Variants in ADARB1 observed in about 807,000 individuals in gnomAD.
ADARB1 encodes adenosine deaminase RNA specific B1.
In ADARB1, 10 loss-of-function variants were observed where a neutral mutation model predicts 52.4. The ratio of observed to expected loss-of-function variants is 0.19; its 90% CI spans 0.12 to 0.32. The LOEUF (loss-of-function observed/expected upper bound fraction) is 0.32. ADARB1 is among the 10% of genes least tolerant of loss of function. The probability of loss-of-function intolerance (pLI) is 1.00; values close to 1 mark genes in which losing one functional copy is unlikely to be tolerated. For missense variants in ADARB1, 643 were observed against 922.3 expected, an observed-to-expected ratio of 0.70 and a Z score of 3.92; for synonymous variants, 349 against 371.1, an observed-to-expected ratio of 0.94 and a Z score of 0.68.
At chr21:45,105,823 G>A (rs192390703) in intron 1 of ADARB1, among the ~76,000 whole-genome samples, 2 of 152,352 alleles carry the variant, frequency 1.3e-5, no homozygotes, top group East Asian at 1.9e-4. Context: ...TAGAGGTGAA[G>A]TTCCAAGAAG....
At position 45,184,942 on chromosome 21, in the gene ADARB1, A is replaced by C. The variant is rs746330259; in HGVS notation, c.1416A>C (p.Pro472=). ...PILEEPADRH[P]NRKARGQLRT... is the part of the protein sequence containing the mutation. ...TCTTAGAACCAGCAGATAGACACCC[A>C]AATCGTAAAGCAAGAGGACAGCTAC... The change falls in exon 8 of 11, where the codon CCA becomes CCC. Residue 472 remains proline (P), a synonymous_variant. Coordinates refer to ENST00000348831, the MANE Select transcript of ADARB1 (RefSeq NM_001112.4). 1.2e-6 allele frequency: 2 copies of C among 1,613,100 alleles called. No homozygotes were observed. Among genetic ancestry groups the C allele is most frequent in the East Asian group, 2.2e-5 (1 of 44,846 alleles).
At chr21:45,167,397 TTAATTATG>T (rs1209382162) in intron 2 of ADARB1, among the ~76,000 whole-genome samples, 1 of 152,232 alleles carries the variant, frequency 6.6e-6, no homozygotes, top group Admixed American at 6.5e-5. Context: ...CAATTATTGA[TTAATTATG>T]TATAAGAATT....
chr21:45,184,074 G>A (rs1029744993), intron 7 of ADARB1, among the ~76,000 whole-genome samples: 3 of 152,066 alleles, frequency 2.0e-5, no homozygotes, highest in Non-Finnish European at 4.4e-5. Flanking sequence ...GTTTATAAAA[G>A]CAACAGGCAT....
intron 8 of ADARB1, among the ~76,000 whole-genome samples, chr21:45,195,369 A>G (rs2092401607): frequency 6.6e-6 from 1 of 151,686 alleles, no homozygotes; most frequent in South Asian, 2.1e-4. Flanking sequence ...TTGTCTTTTC[A>G]CTCCCTTGTC....
chr21:45,134,742 C>T (rs2089264251), intron 2 of ADARB1: 2 of 529,076 alleles, frequency 3.8e-6, no homozygotes, highest in Admixed American at 2.0e-5. Context: ...AATGAGCACA[C>T]CCTCATTCAT....
At chr21:45,113,762 T>C (rs1486640644) in intron 1 of ADARB1, among the ~76,000 whole-genome samples, 1 of 152,048 alleles carries the variant, frequency 6.6e-6, no homozygotes, top group Admixed American at 6.6e-5. Flanking sequence ...CGGGAGCCCT[T>C]ACAATGAATG....
intron 3 of ADARB1, among the ~76,000 whole-genome samples, chr21:45,173,451 A>G (rs948937143): frequency 1.3e-5 from 2 of 152,188 alleles, no homozygotes; most frequent in Admixed American, 1.3e-4. Context: ...GAGGTGAATA[A>G]GAATTTAGAA....
rs530744730 is a variant in ADARB1, at chr21:45,149,776, G to A, written c.-48+21203G>A. Among the ~76,000 whole-genome samples, 306 of 152,230 alleles carry A rather than the reference G, an allele frequency of 2.0e-3. 1 individual carries two copies. Among genetic ancestry groups the A allele is most frequent in the African/African-American group, 7.0e-3 (290 of 41,536 alleles). Reference sequence around the variant, plus strand: ...ATCATGTTTTATATTAAGCATTTTCGGATAATGCTTGTTCTGTTGGTGCTC... The same window carrying A: ...ATCATGTTTTATATTAAGCATTTTCAGATAATGCTTGTTCTGTTGGTGCTC... On this transcript the variant is annotated intron_variant, in intron 2 of 10. Coordinates refer to ENST00000348831, the MANE Select transcript of ADARB1 (RefSeq NM_001112.4).
intron 9 of ADARB1, among the ~76,000 whole-genome samples, chr21:45,217,870 C>G (rs774969232): frequency 7.2e-5 from 11 of 152,186 alleles, no homozygotes; most frequent in Non-Finnish European, 1.6e-4. Flanking sequence ...CTCCTTTAAG[C>G]ACTTTAAAGA....
intron 8 of ADARB1, among the ~76,000 whole-genome samples, chr21:45,193,978 T>C (rs2146283856): frequency 6.6e-6 from 1 of 152,268 alleles, no homozygotes; most frequent in South Asian, 2.1e-4. Flanking sequence ...GACAAACTGA[T>C]TCCAAAATCC....
At chr21:45,159,415 A>G (rs2090844577) in intron 2 of ADARB1, among the ~76,000 whole-genome samples, 1 of 152,198 alleles carries the variant, frequency 6.6e-6, no homozygotes, top group South Asian at 2.1e-4. Context: ...TCAAGACGAG[A>G]TTTGGGTGGG....
intron 1 of ADARB1, among the ~76,000 whole-genome samples, chr21:45,123,598 C>A (rs958138938): frequency 6.6e-6 from 1 of 151,120 alleles, no homozygotes; most frequent in East Asian, 2.0e-4. Flanking sequence ...AGCCATCGTG[C>A]TGGCCTTTTT....
chr21:45,156,001 AT>A (rs2090568607), intron 2 of ADARB1, among the ~76,000 whole-genome samples: 4 of 81,336 alleles, frequency 4.9e-5, no homozygotes, highest in Non-Finnish European at 7.4e-5. Flanking sequence ...CCCATCATCC[AT>A]CATCCACTCA....
Position 45,225,550 on chromosome 21 carries a change from C to A in ADARB1, c.*3353C>A. On this transcript the variant is annotated 3_prime_UTR_variant, in exon 11 of 11. Transcript: ENST00000348831. ...CTCTCCTTGTAATCTCACACAGGTACACTGAGGAGGGGACGGCTCCGTCTT... is the reference window on the plus strand; with the variant it reads ...CTCTCCTTGTAATCTCACACAGGTAAACTGAGGAGGGGACGGCTCCGTCTT... The A allele has an allele frequency of 7.5e-7, 1 of 1,340,732 alleles. No homozygotes were observed. The allele number at this position is 1,340,732 out of a possible 1,614,324, so 83.1% of individuals were successfully genotyped here. A position where few individuals can be genotyped will look rare whatever the true frequency, so the allele number is the denominator to read the frequency against.
intron 2 of ADARB1, among the ~76,000 whole-genome samples, chr21:45,153,698 T>C (rs1337623147): frequency 1.3e-5 from 2 of 152,236 alleles, no homozygotes; most frequent in Non-Finnish European, 2.9e-5. Context: ...AGTCTGTGTC[T>C]GGGAGTGGGG....
chr21:45,080,757 C>T (rs1259223515), intron 1 of ADARB1, among the ~76,000 whole-genome samples: 5 of 152,182 alleles, frequency 3.3e-5, no homozygotes, highest in East Asian at 1.9e-4. Context: ...CTAGAAGACT[C>T]GGTGCCTGAT....
At chr21:45,218,773 C>T (rs1300934288) in intron 9 of ADARB1, among the ~76,000 whole-genome samples, 1 of 152,202 alleles carries the variant, frequency 6.6e-6, no homozygotes, top group Non-Finnish European at 1.5e-5. Context: ...CTCCACAGGG[C>T]ACGAAGTGAG....
At chr21:45,184,816 A>T (rs931692480) in intron 7 of ADARB1, 107 bp from the exon 8 acceptor site, 2 of 1,241,354 alleles carry the variant, frequency 1.6e-6, no homozygotes, top group South Asian at 2.9e-5. Context: ...ATGCATTTAT[A>T]TGCACAGACT....
chr21:45,096,805 T>G (rs536978593), intron 1 of ADARB1, among the ~76,000 whole-genome samples: 3 of 152,242 alleles, frequency 2.0e-5, no homozygotes, highest in Non-Finnish European at 4.4e-5. Flanking sequence ...GCCCAGGCGG[T>G]GCAGTGGCAC....
Sources: allele counts gnomAD v4.1 joint callset (sites outside exome capture counted in the v4.1 genomes callset), GRCh38; gene constraint gnomAD v4.1.1; transcripts MANE v1.5; gene names NCBI Gene and HGNC (gene_info 2026-07-23, HGNC 2026-07-21).